FHIP2A: variants seen among roughly 807,000 people sequenced by gnomAD.
The protein encoded by FHIP2A is FHF complex subunit HOOK interacting protein 2A, also known as family with sequence similarity 160 member B1.
FHIP2A carries 46 observed loss-of-function variants against 93.5 expected under a neutral mutation model. The observed-to-expected ratio is 0.49, with a 90% confidence interval of 0.39 to 0.63. FHIP2A has a LOEUF of 0.63. FHIP2A is among the 20% of genes least tolerant of loss of function. The pLI is 0.00. For synonymous variants in FHIP2A, 332 were observed against 326.5 expected (o/e 1.02, Z -0.18); for missense variants, 769 against 909.7 (o/e 0.85, Z 1.99).
intron 16 of FHIP2A, among the ~76,000 whole-genome samples, chr10:114,885,428 T>C (rs952915404): frequency 2.7e-5 from 4 of 150,884 alleles, no homozygotes; most frequent in Admixed American, 1.3e-4. Flanking sequence ...AAAAAGCAGA[T>C]GACCCTTTTT....
chr10:114,861,228 CA>C lies in FHIP2A; in HGVS notation c.2089-2del. The C allele has an allele frequency of 6.2e-7, 1 of 1,613,932 alleles. No homozygotes were observed. The highest frequency in any genetic ancestry group is 8.5e-7 in the Non-Finnish European group (1 of 1,179,948). On this transcript the variant is annotated splice_acceptor_variant, in intron 15 of 16. Transcript: ENST00000369248. LOFTEE classifies it high-confidence loss of function. ...ACTGAAGTGCCTTGCCTCTGTGATG[CA>C]GGTTGTTGGAGACCTTATGCTTCGA...
chr10:114,897,086 C>T (rs55954958), intron 16 of FHIP2A, among the ~76,000 whole-genome samples: 5,722 of 152,276 alleles, frequency 0.038, 379 homozygotes, highest in African/African-American at 0.13. Flanking sequence ...ACAATTTAGC[C>T]TTAATATTTG....
chr10:114,865,393 C>T (rs1337889989), downstream of FHIP2A, among the ~76,000 whole-genome samples: 1 of 152,148 alleles, frequency 6.6e-6, no homozygotes, highest in Non-Finnish European at 1.5e-5. Flanking sequence ...TAGACTTACC[C>T]TGTTCACTTG....
At chr10:114,866,045 G>A (rs1371976932), downstream of FHIP2A, among the ~76,000 whole-genome samples, 1 of 152,018 alleles carries the variant, frequency 6.6e-6, no homozygotes, top group Admixed American at 6.5e-5. Flanking sequence ...CGTGTGCCAT[G>A]GTGGTTTGCT....
downstream of FHIP2A, among the ~76,000 whole-genome samples, chr10:114,868,576 T>C (rs2083842035): frequency 6.6e-6 from 1 of 152,038 alleles, no homozygotes; most frequent in African/African-American, 2.4e-5. Context: ...TATATATATA[T>C]TTTAAATATT....
chr10:114,842,846 GA>G (rs1463336254), intron 5 of FHIP2A, 86 bp from the exon 6 acceptor site: 17 of 854,422 alleles, frequency 2.0e-5, no homozygotes, highest in Non-Finnish European at 2.7e-5. Context: ...TAGGCATGTG[GA>G]ATGTTATAGA....
chr10:114,848,847 A>G, intron 13 of FHIP2A, 110 bp downstream of exon 13: 1 of 722,014 alleles, frequency 1.4e-6, no homozygotes, highest in Non-Finnish European at 2.3e-6. Flanking sequence ...CATTCTTATT[A>G]AAAATGAGAC....
Position 114,872,202 on chromosome 10 carries a change from A to G in FHIP2A, c.2192+10868A>G, listed in dbSNP as rs138429799. Among the ~76,000 whole-genome samples, 1,111 of 152,246 alleles carry G rather than the reference A, an allele frequency of 7.3e-3. 11 individuals carry two copies. Among genetic ancestry groups the G allele is most frequent in the Middle Eastern group, 0.027 (8 of 294 alleles). On this transcript the variant is annotated intron_variant, in intron 16 of 16. Coordinates refer to the FHIP2A transcript ENST00000369250. Reference sequence around the variant, plus strand: ...AGATCTGACTCTAATTATAGACCTAAAAGACAAAAACTTCCACTGTCAGAG... The same window carrying G: ...AGATCTGACTCTAATTATAGACCTAGAAGACAAAAACTTCCACTGTCAGAG...
At chr10:114,878,165 T>C (rs1272193751) in intron 16 of FHIP2A, among the ~76,000 whole-genome samples, 1 of 152,262 alleles carries the variant, frequency 6.6e-6, no homozygotes, top group Non-Finnish European at 1.5e-5. Context: ...TTATCCTTTT[T>C]ACCTTAACAT....
At chr10:114,834,558 TTGTAAC>T (rs1253158836) in intron 3 of FHIP2A, among the ~76,000 whole-genome samples, 2 of 152,212 alleles carry the variant, frequency 1.3e-5, no homozygotes, top group Admixed American at 6.5e-5. Flanking sequence ...AATACTTATT[TTGTAAC>T]TGTATTTGAA....
chr10:114,845,962 T>C, intron 8 of FHIP2A, 51 bp from the exon 9 acceptor site: 2 of 1,364,488 alleles, frequency 1.5e-6, no homozygotes, highest in Non-Finnish European at 2.1e-6. Context: ...TGTTACAAAT[T>C]AGTCTTTCTT....
intron 14 of FHIP2A, among the ~76,000 whole-genome samples, chr10:114,859,980 G>A (rs372729079): frequency 5.1e-4 from 78 of 152,202 alleles, no homozygotes; most frequent in African/African-American, 1.8e-3. Flanking sequence ...ATGTGTTTTT[G>A]GGAATTGGCA....
rs757978570 is a variant in FHIP2A at position 114,843,806 on chromosome 10, G to A, written c.882G>A (p.Ala294=). The change falls in exon 7 of 17, where the codon GCG becomes GCA. Residue 294 remains alanine, a synonymous_variant. Transcript: ENST00000369248. Reference sequence around the variant, plus strand: ...TGTTAGTAAGTTTGCCAGAGCCTGCGGCTGCAAAGTGCCTTACACAGAGCA... The same window carrying A: ...TGTTAGTAAGTTTGCCAGAGCCTGCAGCTGCAAAGTGCCTTACACAGAGCA... ...LMLLVSLPEP[A]AAKCLTQSTC... The A allele has an allele frequency of 8.7e-6, 14 of 1,600,224 alleles. No individual in the cohort carries two copies. The highest frequency in any genetic ancestry group is 2.2e-5 in the East Asian group (1 of 44,458).
chr10:114,873,736 C>T (rs1180899679), intron 16 of FHIP2A, among the ~76,000 whole-genome samples: 1 of 152,138 alleles, frequency 6.6e-6, no homozygotes, highest in Non-Finnish European at 1.5e-5. Context: ...GGAACAGTTT[C>T]AGTTGGTTCC....
Position 114,833,266 on chromosome 10 carries a change from C to T in FHIP2A, c.158C>T (p.Pro53Leu), listed in dbSNP as rs1413420524. The change falls in exon 3 of 17, where the codon CCA (proline) becomes CTA (leucine). Residue 53 changes from proline to leucine, a missense_variant. Coordinates refer to ENST00000369248, the MANE Select transcript of FHIP2A (RefSeq NM_020940.4). ...DKAPVTDTNI[P>L]SHLEQMLDIL... ...GCCCCAGTGACCGATACAAATATTCCATCGCATCTGGAACAGATGTTAGAT... is the reference window on the plus strand; with the variant it reads ...GCCCCAGTGACCGATACAAATATTCTATCGCATCTGGAACAGATGTTAGAT... The T allele has an allele frequency of 1.2e-6, 2 of 1,611,358 alleles. No individual in the cohort carries two copies. Among genetic ancestry groups the T allele is most frequent in the Admixed American group, 3.4e-5 (2 of 59,618 alleles).
intron 13 of FHIP2A, among the ~76,000 whole-genome samples, chr10:114,853,945 T>C (rs1288978234): frequency 3.9e-5 from 6 of 152,308 alleles, no homozygotes; most frequent in Admixed American, 3.9e-4. Flanking sequence ...TAATTTTGCT[T>C]TATTAAATAA....
chr10:114,827,613 C>T (rs994180260), intron 1 of FHIP2A, among the ~76,000 whole-genome samples: 10 of 152,004 alleles, frequency 6.6e-5, no homozygotes, highest in Admixed American at 3.3e-4. Context: ...CTGGCTAACA[C>T]GGTGAAACCC....
intron 13 of FHIP2A, among the ~76,000 whole-genome samples, chr10:114,851,714 C>CTAAAAA (rs774825413): frequency 1.2e-5 from 1 of 81,950 alleles, no homozygotes; most frequent in South Asian, 6.0e-4. Flanking sequence ...TCCATTTCTG[C>CTAAAAA]AAAAAAAAAA....
chr10:114,866,476 C>T (rs1654104681), downstream of FHIP2A, among the ~76,000 whole-genome samples: 1 of 152,204 alleles, frequency 6.6e-6, no homozygotes, highest in Non-Finnish European at 1.5e-5. Context: ...TTCACACTCA[C>T]TACTCATTGA....
Sources: gnomAD v4.1 joint callset for allele counts (sites outside exome capture counted in the v4.1 genomes callset) on GRCh38, gnomAD v4.1.1 for gene constraint, MANE v1.5 for transcripts, NCBI Gene and HGNC (gene_info 2026-07-23, HGNC 2026-07-21) for gene names.